Variants in DAB1 observed in about 807,000 individuals in gnomAD.
The protein encoded by DAB1 is DAB adaptor protein 1.
DAB1 carries 15 observed loss-of-function variants against 64.6 expected under a neutral mutation model. That is an observed-to-expected ratio of 0.23 (90% CI 0.16 to 0.36). The LOEUF is 0.36. Ranked by LOEUF, DAB1 falls within the 10% of genes least tolerant of loss-of-function variation. The pLI is 1.00. For missense variants in DAB1, 596 were observed against 706.7 expected, an observed-to-expected ratio of 0.84 and a Z score of 1.78; for synonymous variants, 235 against 251.9, an observed-to-expected ratio of 0.93 and a Z score of 0.64.
At chr1:57,030,441 C>G (rs1390261042) in intron 9 of DAB1, among the ~76,000 whole-genome samples, 3 of 152,086 alleles carry the variant, frequency 2.0e-5, no homozygotes, top group Admixed American at 2.0e-4. Context: ...GCCATGTGAC[C>G]AAAAAGAGGA....
At chr1:57,332,308 G>A (rs1676738524) in intron 1 of DAB1, among the ~76,000 whole-genome samples, 1 of 152,102 alleles carries the variant, frequency 6.6e-6, no homozygotes, top group Admixed American at 6.6e-5. Context: ...TGCTTGTTCA[G>A]GCCACTCATT....
chr1:58,177,910 G>A (rs890573791), intron 4 of DAB1, among the ~76,000 whole-genome samples: 3 of 152,130 alleles, frequency 2.0e-5, no homozygotes, highest in African/African-American at 7.2e-5. Flanking sequence ...CTTCAGATGT[G>A]CTCTGACATA....
intron 5 of DAB1, among the ~76,000 whole-genome samples, chr1:57,978,511 G>C (rs1645980035): frequency 6.6e-6 from 1 of 152,124 alleles, no homozygotes. Context: ...CACCGGAAAA[G>C]ACTTCATGTC....
chr1:57,641,201 T>C (rs1646123025), intron 7 of DAB1, among the ~76,000 whole-genome samples: 1 of 152,068 alleles, frequency 6.6e-6, no homozygotes, highest in Non-Finnish European at 1.5e-5. Flanking sequence ...GGTTAGCTCA[T>C]TGCAGGGAAG....
chr1:57,940,880 G>T lies in DAB1; in HGVS notation n.388-56718C>A, dbSNP rs150053073. ...TAGCTTTTCATTACTCCAGTGATAT[G>T]TTTAGGCACTGTGGAATCCCTACGT... On this transcript the variant is annotated intron_variant and non_coding_transcript_variant, in intron 5 of 20. Coordinates refer to the DAB1 transcript ENST00000485760. Among the ~76,000 whole-genome samples the T allele has an allele frequency of 5.9e-4, 90 of 152,244 alleles. 1 individual carries two copies. Among genetic ancestry groups the T allele is most frequent in the Middle Eastern group, 3.4e-3 (1 of 294 alleles).
chr1:58,471,389 A>C (rs1483137107), intron 3 of DAB1, among the ~76,000 whole-genome samples: 1 of 152,174 alleles, frequency 6.6e-6, no homozygotes, highest in Non-Finnish European at 1.5e-5. Flanking sequence ...CATCAGATCT[A>C]GTTACACACC....
intron 3 of DAB1, among the ~76,000 whole-genome samples, chr1:58,491,138 C>A (rs1402953441): frequency 6.6e-6 from 1 of 151,966 alleles, no homozygotes; most frequent in Non-Finnish European, 1.5e-5. Flanking sequence ...GAATTTTCAA[C>A]CCAGAATTTC....
intron 7 of DAB1, among the ~76,000 whole-genome samples, chr1:57,594,813 C>T (rs964294462): frequency 6.6e-6 from 1 of 152,168 alleles, no homozygotes; most frequent in Non-Finnish European, 1.5e-5. Context: ...CGGGTTCACG[C>T]CATTCTCCTG....
At chr1:58,360,440 T>A (rs56832495) in intron 3 of DAB1, among the ~76,000 whole-genome samples, 14,330 of 152,136 alleles carry the variant, frequency 0.094, 691 homozygotes, top group Middle Eastern at 0.13. Context: ...TAGGGACACA[T>A]TACATTGATA....
At chr1:57,421,744 AT>A (rs1684903202) in intron 1 of DAB1, among the ~76,000 whole-genome samples, 1 of 152,094 alleles carries the variant, frequency 6.6e-6, no homozygotes, top group Admixed American at 6.6e-5. Context: ...AATCAAGGAC[AT>A]CAGCAGACAA....
intron 7 of DAB1, among the ~76,000 whole-genome samples, chr1:57,562,977 A>T (rs1645070705): frequency 6.6e-6 from 1 of 152,206 alleles, no homozygotes; most frequent in South Asian, 2.1e-4. Flanking sequence ...ATAGGAGGCC[A>T]TTAGGGCGTC....
chr1:57,486,808 T>G (rs2101260208), intron 7 of DAB1, among the ~76,000 whole-genome samples: 1 of 151,886 alleles, frequency 6.6e-6, no homozygotes, highest in Non-Finnish European at 1.5e-5. Context: ...AGGACAGAGG[T>G]GATAAATCTT....
chr1:57,835,215 A>G (rs1278440514), intron 1 of DAB1, among the ~76,000 whole-genome samples: 1 of 152,130 alleles, frequency 6.6e-6, no homozygotes, highest in African/African-American at 2.4e-5. Flanking sequence ...CAGTGTTGAT[A>G]TCAGGCAATG....
chr1:58,497,433 GA>G (rs1645822061), intron 3 of DAB1, among the ~76,000 whole-genome samples: 1 of 152,088 alleles, frequency 6.6e-6, no homozygotes, highest in Non-Finnish European at 1.5e-5. Flanking sequence ...TATGATTATG[GA>G]AGAAAATGAT....
chr1:58,479,730 C>T (rs912608098), intron 3 of DAB1, among the ~76,000 whole-genome samples: 1 of 152,042 alleles, frequency 6.6e-6, no homozygotes, highest in Non-Finnish European at 1.5e-5. Context: ...ATAGCTTAGT[C>T]TTAGATATCT....
At chr1:57,969,139 A>T (rs1309722293) in intron 5 of DAB1, among the ~76,000 whole-genome samples, 2 of 152,166 alleles carry the variant, frequency 1.3e-5, no homozygotes, top group Non-Finnish European at 2.9e-5. Context: ...TAATTTAAGA[A>T]TTTATTCCGA....
Position 57,342,664 on chromosome 1 carries a change from C to A in DAB1, c.-136-51498G>T, listed in dbSNP as rs371112344. Among the ~76,000 whole-genome samples the A allele has an allele frequency of 3.9e-5, 6 of 152,132 alleles. No homozygotes were observed. In the East Asian group the frequency reaches 1.2e-3, roughly 29 times the overall value. On this transcript the variant is annotated intron_variant, in intron 1 of 14. Coordinates refer to ENST00000371236, the MANE Select transcript of DAB1 (RefSeq NM_001365792.1). ...GACCCTGGCAGTGAGTGTTACAGTT[C>A]TTAAAGGTGGCCTGTCCGGAGTTTG... is the stretch of plus-strand genomic sequence containing the variant.
At chr1:57,371,902 GCTA>G (rs1680527833) in intron 1 of DAB1, among the ~76,000 whole-genome samples, 1 of 152,178 alleles carries the variant, frequency 6.6e-6, no homozygotes, top group South Asian at 2.1e-4. Context: ...GGCCAGGGAT[GCTA>G]CTAAACATCC....
At chr1:58,284,808 T>A (rs519855) in intron 4 of DAB1, among the ~76,000 whole-genome samples, 140,063 of 152,312 alleles carry the variant, frequency 0.92, 64,402 homozygotes, top group South Asian at 0.95. Context: ...AGCCCTCCAG[T>A]TGATGGAATC....
Sources: allele counts gnomAD v4.1 joint callset (sites outside exome capture counted in the v4.1 genomes callset), GRCh38; gene constraint gnomAD v4.1.1; transcripts MANE v1.5; gene names NCBI Gene and HGNC (gene_info 2026-07-23, HGNC 2026-07-21).